Variants in SLC27A6 observed in about 807,000 individuals in gnomAD.
SLC27A6 encodes the protein solute carrier family 27 member 6, also known as long-chain fatty acid transport protein 6.
Under a neutral mutation model 63.9 loss-of-function variants are expected in SLC27A6, and 74 were observed. The observed-to-expected ratio is 1.16, with a 90% CI of 0.96 to 1.40. SLC27A6 has a LOEUF of 1.40. Ranked by LOEUF, SLC27A6 falls within the 40% of genes most tolerant of loss-of-function variation. The pLI is 0.00. For synonymous variants in SLC27A6, 287 were observed against 260.8 expected (o/e 1.10, Z -0.97); for missense variants, 794 against 732.9 (o/e 1.08, Z -0.96).
intron 4 of SLC27A6, among the ~76,000 whole-genome samples, chr5:129,011,956 A>G (rs1751741517): frequency 6.6e-6 from 1 of 152,058 alleles, no homozygotes; most frequent in African/African-American, 2.4e-5. Flanking sequence ...TACCCTTGAA[A>G]AGATACATAT....
chr5:128,975,655 C>T (rs1750350764), intron 1 of SLC27A6, among the ~76,000 whole-genome samples: 1 of 152,136 alleles, frequency 6.6e-6, no homozygotes, highest in South Asian at 2.1e-4. Flanking sequence ...ACCAAAATAT[C>T]ATTATCATTA....
chr5:129,012,235 G>T (rs1041521378), intron 4 of SLC27A6, among the ~76,000 whole-genome samples: 1 of 151,292 alleles, frequency 6.6e-6, no homozygotes, highest in African/African-American at 2.4e-5. Flanking sequence ...TTGTTTAAAG[G>T]TGTATTATTA....
intron 5 of SLC27A6, among the ~76,000 whole-genome samples, chr5:129,017,301 C>T (rs1170710676): frequency 6.6e-6 from 1 of 151,714 alleles, no homozygotes; most frequent in African/African-American, 2.4e-5. Flanking sequence ...ACTAGATAAC[C>T]TCCTATATAT....
chr5:128,971,522 T>C (rs577587301), intron 1 of SLC27A6, among the ~76,000 whole-genome samples: 2 of 141,116 alleles, frequency 1.4e-5, no homozygotes, highest in Admixed American at 1.4e-4. Flanking sequence ...AGGGCCTTCT[T>C]TGTCTCTTGA....
At chr5:128,973,028 A>T (rs1368881579) in intron 1 of SLC27A6, among the ~76,000 whole-genome samples, 1 of 152,264 alleles carries the variant, frequency 6.6e-6, no homozygotes, top group East Asian at 1.9e-4. Context: ...CAGGACCCTC[A>T]GCTGCAGGTC....
intron 1 of SLC27A6, among the ~76,000 whole-genome samples, chr5:128,972,172 C>A (rs548016405): frequency 3.3e-5 from 5 of 152,234 alleles, no homozygotes; most frequent in African/African-American, 1.2e-4. Context: ...GTAACCCGAC[C>A]TTTCTCTCTG....
At chr5:129,021,695 TATC>T (rs1042321539) in intron 5 of SLC27A6, among the ~76,000 whole-genome samples, 2 of 152,222 alleles carry the variant, frequency 1.3e-5, no homozygotes, top group African/African-American at 4.8e-5. Flanking sequence ...ATTTTTGTAA[TATC>T]ATGAGGACCT....
chr5:128,987,031 A>G (rs1290046474), intron 2 of SLC27A6, among the ~76,000 whole-genome samples: 6 of 152,230 alleles, frequency 3.9e-5, no homozygotes, highest in Non-Finnish European at 1.5e-5. Context: ...CCACCCTGAT[A>G]GAAGTCCTGA....
At chr5:128,993,382 C>A (rs559744206) in intron 4 of SLC27A6, among the ~76,000 whole-genome samples, 1 of 152,236 alleles carries the variant, frequency 6.6e-6, no homozygotes, top group South Asian at 2.1e-4. Flanking sequence ...TTTGTTTGAA[C>A]AAAGGATGCC....
chr5:128,966,097 G>C lies in SLC27A6; in HGVS notation c.-41G>C. 2 of 1,516,138 alleles carry C rather than the reference G, an allele frequency of 1.3e-6. No individual in the cohort carries two copies. The highest frequency in any genetic ancestry group is 1.8e-6 in the Non-Finnish European group (2 of 1,135,626). The allele number at this position is 1,516,138 out of a possible 1,614,324, so 93.9% of individuals were successfully genotyped here. A position where few individuals can be genotyped will look rare whatever the true frequency, so the allele number is the denominator to read the frequency against. ...GTGCCTGGAAGAGAAGGACGCTGGT[G>C]GGGGCTGAGATCAGAGCTGTCTTCT... On this transcript the variant is annotated 5_prime_UTR_variant, in exon 1 of 10. Transcript: ENST00000262462.
intron 1 of SLC27A6, among the ~76,000 whole-genome samples, chr5:128,978,017 A>G (rs1208695455): frequency 6.6e-6 from 1 of 152,210 alleles, no homozygotes; most frequent in Non-Finnish European, 1.5e-5. Flanking sequence ...CAAACACTTT[A>G]ATTTTCAATA....
chr5:128,986,767 G>T (rs975581450), intron 2 of SLC27A6, among the ~76,000 whole-genome samples: 15 of 152,138 alleles, frequency 9.9e-5, no homozygotes, highest in African/African-American at 3.4e-4. Context: ...AAAAGGAATG[G>T]AACTAGAGAT....
chr5:129,001,181 C>T (rs1751320605), intron 4 of SLC27A6, among the ~76,000 whole-genome samples: 1 of 152,100 alleles, frequency 6.6e-6, no homozygotes, highest in African/African-American at 2.4e-5. Context: ...ACCTTGTAGG[C>T]CACTCATTTT....
chr5:128,977,655 G>A (rs955268744), intron 1 of SLC27A6, among the ~76,000 whole-genome samples: 4 of 152,110 alleles, frequency 2.6e-5, no homozygotes, highest in African/African-American at 9.7e-5. Context: ...TAGAGTATTT[G>A]CCCACTATAA....
At chr5:129,022,752 G>A (rs903222607) in intron 5 of SLC27A6, among the ~76,000 whole-genome samples, 4 of 152,076 alleles carry the variant, frequency 2.6e-5, no homozygotes, top group Admixed American at 6.6e-5. Context: ...TTGAGCCTGG[G>A]AGGCAGAGGT....
intron 4 of SLC27A6, among the ~76,000 whole-genome samples, chr5:129,001,465 AGGTGTGTT>A (rs1348016794): frequency 1.3e-5 from 2 of 152,206 alleles, no homozygotes; most frequent in African/African-American, 4.8e-5. Context: ...TTATTACATA[AGGTGTGTT>A]GGTGTGACAC....
intron 1 of SLC27A6, among the ~76,000 whole-genome samples, chr5:128,968,646 G>A (rs906977933): frequency 1.3e-5 from 2 of 152,026 alleles, no homozygotes; most frequent in East Asian, 1.9e-4. Context: ...TAAGTTCTTT[G>A]TAGATTCTAG....
At chr5:129,000,717 G>C (rs983281650) in intron 4 of SLC27A6, among the ~76,000 whole-genome samples, 3 of 152,116 alleles carry the variant, frequency 2.0e-5, no homozygotes, top group Non-Finnish European at 2.9e-5. Flanking sequence ...GTTTTTCTGA[G>C]TTTCTAGGAA....
rs1752469200 is a variant in SLC27A6, at chr5:129,033,290, A to G, written c.*8A>G. ...GGGGAAATAAAACTTTAAGATTTTT[A>G]TATCTAGAACTTTCATATGCTTTCT... On this transcript the variant is annotated 3_prime_UTR_variant, in exon 10 of 10. Coordinates refer to ENST00000262462, the MANE Select transcript of SLC27A6 (RefSeq NM_001017372.3). 2 of 1,516,728 alleles carry G rather than the reference A, an allele frequency of 1.3e-6. No homozygotes were observed. The highest frequency in any genetic ancestry group is 9.0e-7 in the Non-Finnish European group (1 of 1,115,198). The allele number at this position is 1,516,728 out of a possible 1,614,324, so 94.0% of individuals were successfully genotyped here. A position where few individuals can be genotyped will look rare whatever the true frequency, so the allele number is the denominator to read the frequency against.
Sources: allele counts gnomAD v4.1 joint callset (sites outside exome capture counted in the v4.1 genomes callset), GRCh38; gene constraint gnomAD v4.1.1; transcripts MANE v1.5; gene names NCBI Gene and HGNC (gene_info 2026-07-23, HGNC 2026-07-21).